CCSER1: variants seen among roughly 807,000 people sequenced by gnomAD.
CCSER1 encodes the protein serine-rich coiled-coil domain-containing protein 1.
Under a neutral mutation model 82.0 loss-of-function variants are expected in CCSER1, and 41 were observed. The ratio of observed to expected loss-of-function variants is 0.50; its 90% CI spans 0.39 to 0.65. The LOEUF (loss-of-function observed/expected upper bound fraction) is 0.65, where lower values mean the gene tolerates loss of function less well. Among genes scored for constraint, CCSER1 ranks in the 30% least tolerant of loss-of-function variants. CCSER1 has a pLI of 0.00. For synonymous variants in CCSER1, 414 were observed against 383.9 expected, an observed-to-expected ratio of 1.08 and a Z score of -0.92; for missense variants, 1,119 against 1,064.2, an observed-to-expected ratio of 1.05 and a Z score of -0.72.
At chr4:90,420,735 A>G (rs1257302425) in intron 4 of CCSER1, among the ~76,000 whole-genome samples, 1 of 152,110 alleles carries the variant, frequency 6.6e-6, no homozygotes, top group Non-Finnish European at 1.5e-5. Context: ...TAATGAAGTC[A>G]TAGTATTTAC....
At chr4:91,518,254 T>C (rs1205419347) in intron 10 of CCSER1, among the ~76,000 whole-genome samples, 1 of 152,030 alleles carries the variant, frequency 6.6e-6, no homozygotes, top group Non-Finnish European at 1.5e-5. Context: ...ACCCCAGAGA[T>C]ATGTGGAGCG....
intron 7 of CCSER1, among the ~76,000 whole-genome samples, chr4:90,809,664 G>A (rs116177109): frequency 2.6e-5 from 4 of 151,770 alleles, no homozygotes; most frequent in African/African-American, 9.7e-5. Context: ...AAAACCACTT[G>A]TACCCCTAAA....
At chr4:90,195,153 T>C (rs1195476401) in intron 1 of CCSER1, among the ~76,000 whole-genome samples, 1 of 152,080 alleles carries the variant, frequency 6.6e-6, no homozygotes, top group African/African-American at 2.4e-5. Flanking sequence ...TGTACATGGA[T>C]AGTTATAGCA....
chr4:90,623,282 C>T (rs1722690891), intron 5 of CCSER1, among the ~76,000 whole-genome samples: 1 of 152,048 alleles, frequency 6.6e-6, no homozygotes, highest in Non-Finnish European at 1.5e-5. Flanking sequence ...GATCCCCCAA[C>T]CTCGGCCTCC....
In CCSER1 at chr4:90,775,770, G is replaced by A. The variant is rs144420400; in HGVS notation, c.2011-39992G>A. On this transcript the variant is annotated intron_variant, in intron 7 of 10. Transcript: ENST00000509176. ...ATATTTCATATTCTTTGTGGAGTAAGAGATTGGATATTTGGCACAGAGGAT... is the reference window on the plus strand; with the variant it reads ...ATATTTCATATTCTTTGTGGAGTAAAAGATTGGATATTTGGCACAGAGGAT... 4.7e-4 allele frequency among the ~76,000 whole-genome samples: 71 copies of A among 152,264 alleles called. 1 individual carries two copies. The East Asian group carries it at 0.011, about 24-fold the overall frequency.
intron 8 of CCSER1, among the ~76,000 whole-genome samples, chr4:90,894,312 A>AT (rs1580969173): frequency 1.3e-5 from 2 of 152,058 alleles, no homozygotes; most frequent in East Asian, 1.9e-4. Flanking sequence ...ACCCTATCAC[A>AT]TTTTTTTAAA....
intron 10 of CCSER1, among the ~76,000 whole-genome samples, chr4:91,346,117 G>A (rs754535115): frequency 6.6e-6 from 1 of 151,098 alleles, no homozygotes; most frequent in African/African-American, 2.5e-5. Flanking sequence ...TCCACGTCCC[G>A]GGTTCAATCC....
chr4:90,331,424 G>A (rs1739262415), intron 3 of CCSER1, among the ~76,000 whole-genome samples: 1 of 152,102 alleles, frequency 6.6e-6, no homozygotes, highest in Non-Finnish European at 1.5e-5. Flanking sequence ...TAGTCAACAG[G>A]AAGAGAAGAT....
intron 1 of CCSER1, among the ~76,000 whole-genome samples, chr4:90,215,458 G>A (rs932812506): frequency 9.2e-5 from 14 of 152,102 alleles, no homozygotes; most frequent in Non-Finnish European, 1.9e-4. Context: ...CTTTAGTATA[G>A]TAGCAAGTTT....
intron 8 of CCSER1, among the ~76,000 whole-genome samples, chr4:90,855,810 G>C (rs1045484731): frequency 2.0e-5 from 3 of 152,000 alleles, no homozygotes; most frequent in Non-Finnish European, 4.4e-5. Flanking sequence ...CTATGTCTTT[G>C]GAATAAGTAG....
chr4:90,535,822 T>C (rs990257167), intron 5 of CCSER1, among the ~76,000 whole-genome samples: 1 of 152,172 alleles, frequency 6.6e-6, no homozygotes, highest in Non-Finnish European at 1.5e-5. Context: ...AATGATACTT[T>C]GCATAACTTA....
chr4:90,534,255 G>A lies in CCSER1; in HGVS notation c.1724+65901G>A, dbSNP rs181581767. Among the ~76,000 whole-genome samples, 426 of 152,182 alleles carry A rather than the reference G, an allele frequency of 2.8e-3. 4 individuals are homozygous for A. Among genetic ancestry groups the A allele is most frequent in the African/African-American group, 9.9e-3 (413 of 41,530 alleles). On this transcript the variant is annotated intron_variant, in intron 5 of 10. Coordinates refer to ENST00000509176, the MANE Select transcript of CCSER1 (RefSeq NM_001145065.2). ...CGCCATTCTCCTGCCTCAGCCTCCC[G>A]AGTAGCTGGGACTACAGGCGCCCGC...
chr4:90,930,437 T>A (rs1324675857), intron 9 of CCSER1, among the ~76,000 whole-genome samples: 1 of 151,212 alleles, frequency 6.6e-6, no homozygotes, highest in Non-Finnish European at 1.5e-5. Flanking sequence ...CCATCTCTAC[T>A]AAAAATTTAA....
chr4:90,671,096 A>G (rs1732711324), intron 6 of CCSER1, among the ~76,000 whole-genome samples: 1 of 152,116 alleles, frequency 6.6e-6, no homozygotes, highest in Admixed American at 6.6e-5. Flanking sequence ...TCTAATGGTC[A>G]CCTGAGCCTA....
intron 7 of CCSER1, among the ~76,000 whole-genome samples, chr4:90,777,680 ATTGTTGTATTAACTACT>A (rs1296544500): frequency 6.6e-6 from 1 of 152,100 alleles, no homozygotes; most frequent in African/African-American, 2.4e-5. Context: ...AGCCAGCAGG[ATTGTTGTATTAACTACT>A]TTAAACACAT....
intron 10 of CCSER1, among the ~76,000 whole-genome samples, chr4:91,186,982 T>C (rs1381939053): frequency 5.3e-5 from 8 of 152,202 alleles, no homozygotes; most frequent in Non-Finnish European, 1.2e-4. Context: ...ATGGCCAGTT[T>C]TGGAGCTAGT....
chr4:90,592,083 C>T (rs542513262), intron 5 of CCSER1, among the ~76,000 whole-genome samples: 31 of 152,082 alleles, frequency 2.0e-4, no homozygotes, highest in African/African-American at 3.6e-4. Flanking sequence ...ACCTAATGCA[C>T]GCAGGGCTTA....
intron 6 of CCSER1, among the ~76,000 whole-genome samples, chr4:90,683,894 T>A (rs375342033): frequency 2.6e-5 from 4 of 152,258 alleles, no homozygotes; most frequent in African/African-American, 9.6e-5. Context: ...GAAAGAGGAA[T>A]GGAACAAAAT....
chr4:90,295,988 A>G (rs1024215606), intron 1 of CCSER1, among the ~76,000 whole-genome samples: 1 of 151,850 alleles, frequency 6.6e-6, no homozygotes, highest in Non-Finnish European at 1.5e-5. Flanking sequence ...CAATTCTCCA[A>G]TGGAAGATAT....
Sources: allele counts gnomAD v4.1 joint callset (sites outside exome capture counted in the v4.1 genomes callset), GRCh38; gene constraint gnomAD v4.1.1; transcripts MANE v1.5; gene names NCBI Gene and HGNC (gene_info 2026-07-23, HGNC 2026-07-21).